The following EPHB1 variants were observed in gnomAD, a reference collection of about 807,000 sequenced individuals.
The protein encoded by EPHB1 is ephrin type-B receptor 1.
EPHB1 carries 30 observed loss-of-function variants against 94.4 expected under a neutral mutation model. The observed-to-expected ratio is 0.32, with a 90% CI of 0.24 to 0.43. The LOEUF is 0.43. Ranked by LOEUF, EPHB1 falls within the 20% of genes least tolerant of loss-of-function variation. The pLI is 1.00. For missense variants in EPHB1, 1,055 were observed against 1,308.3 expected, an observed-to-expected ratio of 0.81 and a Z score of 2.99; for synonymous variants, 522 against 489.1, an observed-to-expected ratio of 1.07 and a Z score of -0.89.
Position 135,166,054 on chromosome 3 carries a change from G to A in EPHB1, c.1672G>A (p.Ala558Thr), listed in dbSNP as rs1576439666. The A allele has an allele frequency of 1.9e-6, 3 of 1,613,794 alleles. No individual in the cohort carries two copies. Among genetic ancestry groups the A allele is most frequent in the Non-Finnish European group, 2.5e-6 (3 of 1,179,774 alleles). The change falls in exon 8 of 16, where the codon GCC (alanine) becomes ACC (threonine). Residue 558 changes from alanine to threonine, a missense_variant. Coordinates refer to ENST00000398015, the MANE Select transcript of EPHB1 (RefSeq NM_004441.5). The stretch of plus-strand genomic sequence containing the variant: ...GGTCGTGTTCGTTGTGTCCTTGGTG[G>A]CCATCTCTATCGTCTGTAGCAGGTA... ...AGVVFVVSLV[A>T]ISIVCSRKRA... is the part of the protein sequence containing the mutation.
chr3:134,962,857 C>A (rs1408145561), intron 3 of EPHB1, among the ~76,000 whole-genome samples: 1 of 152,060 alleles, frequency 6.6e-6, no homozygotes. Flanking sequence ...CCCCAGCAGC[C>A]CCAAATCAGT....
chr3:134,999,055 C>T (rs1008806356), intron 3 of EPHB1, among the ~76,000 whole-genome samples: 1 of 152,140 alleles, frequency 6.6e-6, no homozygotes, highest in Non-Finnish European at 1.5e-5. Context: ...CAGTGTCAGC[C>T]AGGTGGCTAT....
At chr3:135,213,923 G>T (rs899575653) in intron 12 of EPHB1, among the ~76,000 whole-genome samples, 2 of 152,074 alleles carry the variant, frequency 1.3e-5, no homozygotes, top group Admixed American at 1.3e-4. Flanking sequence ...CTCTCTGCAG[G>T]CCTCCCTGTA....
intron 12 of EPHB1, among the ~76,000 whole-genome samples, chr3:135,203,975 CAT>C (rs1336147966): frequency 6.6e-6 from 1 of 152,062 alleles, no homozygotes; most frequent in Non-Finnish European, 1.5e-5. Flanking sequence ...TTAAATTTCA[CAT>C]ATGTCTACTT....
At chr3:135,178,305 A>T (rs1185422985) in intron 9 of EPHB1, among the ~76,000 whole-genome samples, 1 of 151,784 alleles carries the variant, frequency 6.6e-6, no homozygotes, top group African/African-American at 2.4e-5. Flanking sequence ...GAAATACAAA[A>T]ATTAGCTAGG....
intron 3 of EPHB1, among the ~76,000 whole-genome samples, chr3:135,030,297 G>A (rs910597926): frequency 7.2e-5 from 11 of 152,138 alleles, no homozygotes; most frequent in East Asian, 5.8e-4. Flanking sequence ...GAGGAGAGGC[G>A]CTCTGCTTTT....
intron 1 of EPHB1, among the ~76,000 whole-genome samples, chr3:134,802,112 G>A (rs34649027): frequency 0.048 from 7,345 of 152,218 alleles, 235 homozygotes; most frequent in Middle Eastern, 0.092. Context: ...TGGAGTGGGT[G>A]CACACCCCAG....
At chr3:134,991,120 A>G (rs1238009789) in intron 3 of EPHB1, among the ~76,000 whole-genome samples, 1 of 151,968 alleles carries the variant, frequency 6.6e-6, no homozygotes. Flanking sequence ...GTTTCTTTTC[A>G]TTTGTGCTCA....
rs148179239 is a variant in EPHB1 at position 135,248,741 on chromosome 3, C to T, written c.2690+232C>T. On this transcript the variant is annotated intron_variant, in intron 14 of 15. Coordinates refer to ENST00000398015, the MANE Select transcript of EPHB1 (RefSeq NM_004441.5). ...GATAATGGTTGTGGAAAAAAGTAAA[C>T]GAGTTTTGGGGATTTGAGAGACAAA... Among the ~76,000 whole-genome samples the T allele has an allele frequency of 7.0e-3, 1,056 of 151,938 alleles. 9 individuals are homozygous for T. Among genetic ancestry groups the T allele is most frequent in the African/African-American group, 0.024 (986 of 41,422 alleles).
intron 3 of EPHB1, among the ~76,000 whole-genome samples, chr3:134,964,469 A>G (rs1221087152): frequency 6.6e-6 from 1 of 152,242 alleles, no homozygotes; most frequent in African/African-American, 2.4e-5. Flanking sequence ...TGTGTATTTC[A>G]AGTGGGAAAT....
intron 3 of EPHB1, among the ~76,000 whole-genome samples, chr3:135,038,822 G>A (rs1423043127): frequency 6.6e-6 from 1 of 152,054 alleles, no homozygotes; most frequent in East Asian, 1.9e-4. Flanking sequence ...AAAGAACAAA[G>A]CTTCCACAGT....
At chr3:134,833,388 A>G (rs2036612461) in intron 1 of EPHB1, among the ~76,000 whole-genome samples, 1 of 152,224 alleles carries the variant, frequency 6.6e-6, no homozygotes, top group African/African-American at 2.4e-5. Context: ...TGTGTCCCCA[A>G]CAGGCCAGGC....
intron 7 of EPHB1, 95 bp downstream of exon 7, chr3:135,162,275 C>T (rs1401298143): frequency 1.5e-6 from 2 of 1,340,936 alleles, no homozygotes; most frequent in African/African-American, 1.5e-5. Flanking sequence ...AAATGCTGAT[C>T]TCCAACTGGA....
chr3:134,795,763 G>A, intron 1 of EPHB1, 74 bp downstream of exon 1: 1 of 1,517,042 alleles, frequency 6.6e-7, no homozygotes, highest in South Asian at 1.1e-5. Flanking sequence ...CGCGGTTCGC[G>A]GGGTTCCTCT....
At position 134,826,688 on chromosome 3, in the gene EPHB1, C is replaced by T. The variant is rs149530800; in HGVS notation, c.58+30999C>T. ...TTTAGAGAGATAAAATTAATCACCC[C>T]CTTGTAGCTATATAGCAGCTTTTCC... is the stretch of plus-strand genomic sequence containing the variant. On this transcript the variant is annotated intron_variant, in intron 1 of 15. Coordinates refer to ENST00000398015, the MANE Select transcript of EPHB1 (RefSeq NM_004441.5). 5.3e-4 allele frequency among the ~76,000 whole-genome samples: 81 copies of T among 152,202 alleles called. 1 individual carries two copies. In the East Asian group the frequency reaches 0.014, roughly 26 times the overall value.
At chr3:134,828,482 G>T (rs73229125) in intron 1 of EPHB1, among the ~76,000 whole-genome samples, 10,974 of 152,220 alleles carry the variant, frequency 0.072, 432 homozygotes, top group South Asian at 0.14. Flanking sequence ...TGAAAAATAT[G>T]TGTTAATTCC....
intron 1 of EPHB1, among the ~76,000 whole-genome samples, chr3:134,890,967 A>T (rs1315690239): frequency 1.3e-5 from 2 of 152,174 alleles, no homozygotes; most frequent in Non-Finnish European, 2.9e-5. Flanking sequence ...GCTTTGTCAC[A>T]TGTATGATCA....
chr3:135,209,553 T>C (rs1320450160), intron 12 of EPHB1, among the ~76,000 whole-genome samples: 1 of 152,190 alleles, frequency 6.6e-6, no homozygotes, highest in Non-Finnish European at 1.5e-5. Context: ...GTACATTCTA[T>C]TGAATGTGTG....
Position 134,910,471 on chromosome 3 carries a change from T to C in EPHB1, c.59-15345T>C, listed in dbSNP as rs115263116. On this transcript the variant is annotated intron_variant, in intron 1 of 15. Transcript: ENST00000398015. ...GGTGAGGAGGATATTTATGGCATTGTGAATATTTGGGATCTCAGGACATGC... is the reference window on the plus strand; with the variant it reads ...GGTGAGGAGGATATTTATGGCATTGCGAATATTTGGGATCTCAGGACATGC... Among the ~76,000 whole-genome samples, 1,070 of 152,284 alleles carry C rather than the reference T, an allele frequency of 7.0e-3. 15 individuals carry two copies. Among genetic ancestry groups the C allele is most frequent in the African/African-American group, 0.024 (1,016 of 41,560 alleles).
Sources: allele counts gnomAD v4.1 joint callset (sites outside exome capture counted in the v4.1 genomes callset), GRCh38; gene constraint gnomAD v4.1.1; transcripts MANE v1.5; gene names NCBI Gene and HGNC (gene_info 2026-07-23, HGNC 2026-07-21).